ERO1B: variants seen among roughly 807,000 people sequenced by gnomAD.
ERO1B encodes ERO1-like protein beta.
A neutral mutation model predicts 75.3 loss-of-function variants in ERO1B; 49 were observed. The ratio of observed to expected loss-of-function variants is 0.65; its 90% CI spans 0.52 to 0.83. The LOEUF is 0.83. ERO1B is among the 40% of genes least tolerant of loss of function. The pLI, the probability that ERO1B is intolerant of heterozygous loss-of-function variation, is 0.00. For synonymous variants in ERO1B, 191 were observed against 192.9 expected (o/e 0.99, Z 0.08); for missense variants, 512 against 560.1 (o/e 0.91, Z 0.87).
intron 6 of ERO1B, among the ~76,000 whole-genome samples, chr1:236,240,743 C>T (rs1393205940): frequency 6.6e-6 from 1 of 152,140 alleles, no homozygotes; most frequent in Middle Eastern, 3.2e-3. Context: ...AAAAACAAAG[C>T]CCTTGCCCTC....
At chr1:236,227,671 T>C (rs1327209122) in intron 10 of ERO1B, among the ~76,000 whole-genome samples, 1 of 152,108 alleles carries the variant, frequency 6.6e-6, no homozygotes, top group Admixed American at 6.5e-5. Context: ...ATAGTCTCAT[T>C]TATATGATGG....
rs757019994 is a variant in ERO1B, at chr1:236,226,628, G to A, written c.805+19C>T. On this transcript the variant is annotated intron_variant, in intron 11 of 15. Coordinates refer to ENST00000354619, the MANE Select transcript of ERO1B (RefSeq NM_019891.4). ...TTACACTAATAGAAGGCAAAATCTC[G>A]ACTTAAAAATATGATTACCTTCCAA... The A allele has an allele frequency of 2.2e-5, 35 of 1,602,064 alleles. No individual in the cohort carries two copies. Among genetic ancestry groups the A allele is most frequent in the South Asian group, 6.8e-5 (6 of 87,778 alleles).
intron 6 of ERO1B, among the ~76,000 whole-genome samples, chr1:236,237,181 G>A (rs968113302): frequency 2.4e-4 from 34 of 144,066 alleles, no homozygotes; most frequent in Admixed American, 3.6e-4. Context: ...GTGCAGTGGC[G>A]CAATCTCAGC....
chr1:236,257,242 T>A (rs1337501100), intron 2 of ERO1B, among the ~76,000 whole-genome samples: 1 of 152,184 alleles, frequency 6.6e-6, no homozygotes, highest in Non-Finnish European at 1.5e-5. Flanking sequence ...ACCTGGTACA[T>A]AAGACCAGTC....
At position 236,281,717 on chromosome 1, in the gene ERO1B, T is replaced by C; in HGVS notation, c.67A>G (p.Thr23Ala). ...ACGACGCTCCGCAGGAAGCTCAGGGTGACCAGCAGCTGCACCGCGGCCGCT... is the reference window on the plus strand; with the variant it reads ...ACGACGCTCCGCAGGAAGCTCAGGGCGACCAGCAGCTGCACCGCGGCCGCT... ...GVAAAVQLLVTLSFLRSVVEA... is the reference protein window; with the variant it reads ...GVAAAVQLLVALSFLRSVVEA... Residue 23 changes from threonine (T) to alanine (A), a missense_variant, in exon 1 of 16, where the codon ACC becomes GCC. Coordinates refer to ENST00000354619, the MANE Select transcript of ERO1B (RefSeq NM_019891.4). The C allele has an allele frequency of 6.6e-7, 1 of 1,511,424 alleles. No homozygotes were observed. Among genetic ancestry groups the C allele is most frequent in the Non-Finnish European group, 8.8e-7 (1 of 1,133,106 alleles). The allele number at this position is 1,511,424 out of a possible 1,614,324, so 93.6% of individuals were successfully genotyped here.
chr1:236,271,020 C>T (rs1372153117), intron 1 of ERO1B, among the ~76,000 whole-genome samples: 6 of 152,076 alleles, frequency 3.9e-5, no homozygotes, highest in African/African-American at 1.4e-4. Flanking sequence ...AATACATACA[C>T]ATACAAACAA....
chr1:236,254,298 A>G (rs1216124928), intron 2 of ERO1B, among the ~76,000 whole-genome samples: 1 of 152,158 alleles, frequency 6.6e-6, no homozygotes, highest in Non-Finnish European at 1.5e-5. Flanking sequence ...CTTGTTCCCC[A>G]TCAAACAATT....
chr1:236,262,699 C>T (rs1177380920), intron 2 of ERO1B, among the ~76,000 whole-genome samples: 1 of 152,164 alleles, frequency 6.6e-6, no homozygotes, highest in African/African-American at 2.4e-5. Flanking sequence ...GCCACCATGC[C>T]CAGCCCTGCT....
chr1:236,271,283 T>A (rs1414906927), intron 1 of ERO1B, among the ~76,000 whole-genome samples: 1 of 152,214 alleles, frequency 6.6e-6, no homozygotes, highest in Non-Finnish European at 1.5e-5. Context: ...ATGCAAGTAA[T>A]GATCAGAAAA....
chr1:236,242,809 T>C (rs900220886), intron 6 of ERO1B, among the ~76,000 whole-genome samples: 1 of 152,164 alleles, frequency 6.6e-6, no homozygotes. Flanking sequence ...AGATAAAAAA[T>C]TTTGAGTCAC....
At chr1:236,273,810 GAAAAAAAAAAAA>G (rs71176476) in intron 1 of ERO1B, among the ~76,000 whole-genome samples, 1 of 102,732 alleles carries the variant, frequency 9.7e-6, no homozygotes, top group African/African-American at 3.5e-5. Flanking sequence ...TGTCTCAAAA[GAAAAAAAAAAAA>G]AAAAAAAAAG....
intron 5 of ERO1B, 83 bp downstream of exon 5, chr1:236,249,802 G>A (rs1037513166): frequency 3.6e-5 from 39 of 1,088,088 alleles, no homozygotes; most frequent in East Asian, 5.4e-5. Flanking sequence ...TAATGGGTTC[G>A]AAAATGTTTT....
chr1:236,268,127 T>C (rs1665493237), intron 2 of ERO1B, among the ~76,000 whole-genome samples: 1 of 152,230 alleles, frequency 6.6e-6, no homozygotes, highest in African/African-American at 2.4e-5. Flanking sequence ...ACATCACCTT[T>C]TTTGGATGTT....
intron 10 of ERO1B, 73 bp downstream of exon 10, chr1:236,230,151 C>T (rs1664368821): frequency 2.4e-6 from 3 of 1,246,656 alleles, no homozygotes; most frequent in Non-Finnish European, 3.4e-6. Context: ...AAATCCTAGA[C>T]CTTACAAAAA....
At chr1:236,276,994 C>G (rs963732523) in intron 1 of ERO1B, among the ~76,000 whole-genome samples, 5 of 152,190 alleles carry the variant, frequency 3.3e-5, no homozygotes, top group African/African-American at 1.2e-4. Context: ...TGCAGCACTT[C>G]CCCGATTGTA....
At chr1:236,225,271 T>C (rs984599638) in intron 12 of ERO1B, 132 bp from the exon 13 acceptor site, 15 of 810,306 alleles carry the variant, frequency 1.9e-5, no homozygotes, top group Non-Finnish European at 3.9e-6. Flanking sequence ...GTTTTGGTAA[T>C]GTAGAAAAGT....
chr1:236,272,635 T>C (rs1665616957), intron 1 of ERO1B, among the ~76,000 whole-genome samples: 2 of 152,106 alleles, frequency 1.3e-5, no homozygotes, highest in South Asian at 2.1e-4. Flanking sequence ...CCCTGAAACT[T>C]AGGAAAAAAA....
At chr1:236,244,995 T>C (rs61833552) in intron 5 of ERO1B, among the ~76,000 whole-genome samples, 4,464 of 151,852 alleles carry the variant, frequency 0.029, 83 homozygotes, top group Non-Finnish European at 0.037. Flanking sequence ...GAGTGATAAA[T>C]ATATACATAT....
At chr1:236,252,187 A>G in intron 3 of ERO1B, 96 bp from the exon 4 acceptor site, 1 of 768,702 alleles carries the variant, frequency 1.3e-6, no homozygotes, top group South Asian at 1.6e-5. Context: ...TATTTCATCA[A>G]GCATTTTACT....
Sources: allele counts gnomAD v4.1 joint callset (sites outside exome capture counted in the v4.1 genomes callset), GRCh38; gene constraint gnomAD v4.1.1; transcripts MANE v1.5; gene names NCBI Gene and HGNC (gene_info 2026-07-23, HGNC 2026-07-21).